The following BSX variants were observed in gnomAD, a reference collection of about 807,000 sequenced individuals.
BSX encodes the protein brain specific homeobox.
BSX carries 12 observed loss-of-function variants against 16.9 expected under a neutral mutation model. That is an observed-to-expected ratio of 0.71 (90% confidence interval 0.46 to 1.15). The LOEUF (loss-of-function observed/expected upper bound fraction) is 1.15. Ranked by LOEUF, BSX falls within the 50% of genes most tolerant of loss-of-function variation. The pLI, the probability that BSX is intolerant of heterozygous loss-of-function variation, is 0.00. For synonymous variants in BSX, 160 were observed against 136.4 expected (o/e 1.17, Z -1.20); for missense variants, 292 against 311.8 (o/e 0.94, Z 0.48).
intron 2 of BSX, among the ~76,000 whole-genome samples, chr11:122,978,899 G>A (rs1203760773): frequency 6.9e-6 from 1 of 144,614 alleles, no homozygotes; most frequent in Non-Finnish European, 1.5e-5. Context: ...TCCGCCTCCC[G>A]GGTTCAAGCG....
At chr11:122,979,689 A>G (rs1300815457) in intron 1 of BSX, among the ~76,000 whole-genome samples, 1 of 152,014 alleles carries the variant, frequency 6.6e-6, no homozygotes, top group African/African-American at 2.4e-5. Context: ...AAAGTCATCT[A>G]GAAATACAAA....
chr11:122,979,610 C>T (rs1864544222), intron 1 of BSX, among the ~76,000 whole-genome samples, 153 bp from the exon 2 acceptor site: 1 of 148,700 alleles, frequency 6.7e-6, no homozygotes, highest in African/African-American at 2.5e-5. Flanking sequence ...GCCTTTCTCT[C>T]AGGAATCCAG....
chr11:122,980,241 C>G (rs1489652911), intron 1 of BSX, among the ~76,000 whole-genome samples: 1 of 151,692 alleles, frequency 6.6e-6, no homozygotes, highest in African/African-American at 2.4e-5. Context: ...TCCTGACCCT[C>G]GCAGGCTTGA....
In BSX at chr11:122,977,810, C is replaced by T. The variant is rs746016226; in HGVS notation, c.541G>A (p.Gly181Arg). 3.1e-6 allele frequency: 5 copies of T among 1,613,990 alleles called. No individual in the cohort carries two copies. Among genetic ancestry groups the T allele is most frequent in the Admixed American group, 1.7e-5 (1 of 60,002 alleles). The change falls in exon 3 of 3, where the codon GGG (glycine) becomes AGG (arginine). Residue 181 changes from glycine (G) to arginine (R), a missense_variant. Gly to Arg is a moderately radical substitution (Grantham distance 125). This residue lies in a region of BSX where 107 missense variants were observed against 97.1 expected (regional missense o/e 1.10). Coordinates refer to ENST00000343035, the MANE Select transcript of BSX (RefSeq NM_001098169.2). The surrounding 1 kb of genome is among the most constrained non-coding windows in gnomAD (Gnocchi z 4.5). ...GGGCTGCCCTCGGGGCTTTCTGGCC[C>T]GTCTGGTGCTTTGGGTTCGTCTTGG... ...KSQDEPKAPD[G>R]PESPEGSPRG...
chr11:122,977,631 C>T lies in BSX; in HGVS notation c.*18G>A, dbSNP rs201165484. 5.8e-5 allele frequency: 93 copies of T among 1,601,898 alleles called. No individual in the cohort carries two copies. In the East Asian group the frequency reaches 2.0e-3, roughly 34 times the overall value. ...CGCAGTCTCCTCCCCTGCCTACTAC[C>T]CTCCCCAGCCTGGCGGCTCAGAGCA... is the stretch of plus-strand genomic sequence containing the variant. On this transcript the variant is annotated 3_prime_UTR_variant, in exon 3 of 3. Coordinates refer to ENST00000343035, the MANE Select transcript of BSX (RefSeq NM_001098169.2). The surrounding 1 kb of genome is among the most constrained non-coding windows in gnomAD (Gnocchi z 4.5).
intron 1 of BSX, 93 bp from the exon 2 acceptor site, chr11:122,979,550 C>A: frequency 9.1e-7 from 1 of 1,094,098 alleles, no homozygotes; most frequent in South Asian, 1.5e-5. Flanking sequence ...CCCCCAGTGC[C>A]TTCCTCCGCC....
At chr11:122,978,850 C>G (rs1864532549) in intron 2 of BSX, among the ~76,000 whole-genome samples, 1 of 133,692 alleles carries the variant, frequency 7.5e-6, no homozygotes, top group African/African-American at 2.9e-5. Context: ...CTGTCGCCCA[C>G]GCTGGAGTGC....
chr11:122,977,903 G>A lies in BSX; in HGVS notation c.460-12C>T. The A allele has an allele frequency of 6.2e-7, 1 of 1,612,888 alleles. No homozygotes were observed. Among genetic ancestry groups the A allele is most frequent in the Non-Finnish European group, 8.5e-7 (1 of 1,179,896 alleles). On this transcript the variant is annotated splice_polypyrimidine_tract_variant and intron_variant, in intron 2 of 2. Transcript: ENST00000343035. This position sits in a 1 kb window ranked among gnomAD's most constrained non-coding sequence, Gnocchi z 4.5. ...AACCACGTTTTCACCTGATTTCGGG[G>A]AGATAAAAATAAAATCATGTCATTC...
chr11:122,981,807 A>G lies in BSX; in HGVS notation c.-136T>C. 4 of 931,712 alleles carry G rather than the reference A, an allele frequency of 4.3e-6. No individual in the cohort carries two copies. The highest frequency in any genetic ancestry group is 6.2e-6 in the Non-Finnish European group (4 of 644,288). The allele number at this position is 931,712 out of a possible 1,614,324, so 57.7% of individuals were successfully genotyped here. ...CGCTGCTCTCTCCCGGGCCTGGGCTACCCCGGGCGCTGGAGAGGCAAGAAG... is the reference window on the plus strand; with the variant it reads ...CGCTGCTCTCTCCCGGGCCTGGGCTGCCCCGGGCGCTGGAGAGGCAAGAAG... On this transcript the variant is annotated 5_prime_UTR_variant, in exon 1 of 3. Transcript: ENST00000343035.
chr11:122,979,811 T>C (rs1350604931), intron 1 of BSX, among the ~76,000 whole-genome samples: 1 of 152,140 alleles, frequency 6.6e-6, no homozygotes, highest in South Asian at 2.1e-4. Context: ...GAGTCTTCAG[T>C]TGCGCCTGGC....
rs1282363649 is a variant in BSX at position 122,977,877 on chromosome 11, G to C, written c.474C>G (p.Phe158Leu). ...SLSETQVKTW[F>L]QNRRMKHKKQ... ...TTTTATGCTTCATCCGCCGGTTCTG[G>C]AACCACGTTTTCACCTGATTTCGGG... Residue 158 changes from phenylalanine (F) to leucine (L), a missense_variant, in exon 3 of 3, where the codon TTC (phenylalanine) becomes TTG (leucine). Physicochemically the swap from Phe to Leu is conservative, Grantham distance 22 (BLOSUM62 0). Coordinates refer to ENST00000343035, the MANE Select transcript of BSX (RefSeq NM_001098169.2). The surrounding 1 kb of genome is among the most constrained non-coding windows in gnomAD (Gnocchi z 4.5). 6.2e-7 allele frequency: 1 copy of C among 1,613,638 alleles called. No homozygotes were observed. The highest frequency in any genetic ancestry group is 1.7e-5 in the Admixed American group (1 of 59,938).
intron 2 of BSX, among the ~76,000 whole-genome samples, 160 bp from the exon 3 acceptor site, chr11:122,978,051 A>G (rs754442647): frequency 3.9e-5 from 6 of 152,228 alleles, no homozygotes; most frequent in Admixed American, 3.9e-4. Context: ...TGAGAATCGA[A>G]CAGTCTGAGG....
rs767372278 is a variant in BSX, at chr11:122,981,582, G to C, written c.90C>G (p.Pro30=). Residue 30 remains proline, a synonymous_variant, in exon 1 of 3, where the codon CCC becomes CCG. Transcript: ENST00000343035. ...FFIEDILLHK[P]KPLREVAPDH... is the part of the protein sequence containing the mutation. ...CTGGGGCCACCTCTCTCAGCGGCTT[G>C]GGCTTGTGCAGCAGGATGTCCTCGA... 3.1e-6 allele frequency: 5 copies of C among 1,598,880 alleles called. No homozygotes were observed. Among genetic ancestry groups the C allele is most frequent in the Middle Eastern group, 1.7e-4 (1 of 6,036 alleles).
intron 1 of BSX, among the ~76,000 whole-genome samples, chr11:122,980,841 G>A (rs1419766047): frequency 6.6e-6 from 1 of 152,118 alleles, no homozygotes; most frequent in Non-Finnish European, 1.5e-5. Flanking sequence ...TTAAAGAGCT[G>A]CATCTCCCCC....
At position 122,981,753 on chromosome 11, in the gene BSX, C is replaced by T. The variant is rs1369041405; in HGVS notation, c.-82G>A. The T allele has an allele frequency of 4.4e-5, 60 of 1,373,472 alleles. No homozygotes were observed. The highest frequency in any genetic ancestry group is 5.6e-5 in the Non-Finnish European group (58 of 1,028,452). The allele number at this position is 1,373,472 out of a possible 1,614,324, so 85.1% of individuals were successfully genotyped here. On this transcript the variant is annotated 5_prime_UTR_variant, in exon 1 of 3. Coordinates refer to ENST00000343035, the MANE Select transcript of BSX (RefSeq NM_001098169.2). ...AGAGTCTCCAAGCCTGCTCGAAAGC[C>T]GGCAACCACCCTCCGAGGCTCGAAT...
At chr11:122,980,686 G>A (rs1308285279) in intron 1 of BSX, among the ~76,000 whole-genome samples, 2 of 152,198 alleles carry the variant, frequency 1.3e-5, no homozygotes, top group East Asian at 3.9e-4. Context: ...GTCCCAAACA[G>A]ACTTTGCTAG....
intron 2 of BSX, among the ~76,000 whole-genome samples, chr11:122,979,050 C>T (rs1331685074): frequency 1.3e-5 from 2 of 151,990 alleles, no homozygotes; most frequent in East Asian, 1.9e-4. Flanking sequence ...GTGATCCGCC[C>T]GCCTCGGCCT....
At chr11:122,978,626 C>A (rs898768114) in intron 2 of BSX, among the ~76,000 whole-genome samples, 3 of 151,852 alleles carry the variant, frequency 2.0e-5, no homozygotes, top group Non-Finnish European at 4.4e-5. Context: ...CCAGCCTGGT[C>A]GGAGAGGAGT....
At position 122,977,780 on chromosome 11, in the gene BSX, C is replaced by G; in HGVS notation, c.571G>C (p.Gly191Arg). Residue 191 changes from glycine to arginine, a missense_variant, in exon 3 of 3, where the codon GGT becomes CGT. Gly to Arg is a moderately radical substitution (Grantham distance 125). Transcript: ENST00000343035. The surrounding 1 kb of genome is among the most constrained non-coding windows in gnomAD (Gnocchi z 4.5). ...GPESPEGSPRGSEAATAAEAR... is the reference protein window; with the variant it reads ...GPESPEGSPRRSEAATAAEAR... ...TCGGCGGCGGTGGCGGCCTCTGAAC[C>G]GCGGGGGCTGCCCTCGGGGCTTTCT... The G allele has an allele frequency of 6.2e-7, 1 of 1,613,612 alleles. No homozygotes were observed. The highest frequency in any genetic ancestry group is 8.5e-7 in the Non-Finnish European group (1 of 1,179,742).
Sources: gnomAD v4.1 joint callset for allele counts (sites outside exome capture counted in the v4.1 genomes callset) on GRCh38, gnomAD v4.1.1 for gene constraint, gnomAD v4.1.1 regional missense constraint, Gnocchi (gnomAD v3.1) non-coding constraint, MANE v1.5 for transcripts, NCBI Gene and HGNC (gene_info 2026-07-23, HGNC 2026-07-21) for gene names.